The following ABCD2 variants were observed in gnomAD, a reference collection of about 807,000 sequenced individuals.
The protein encoded by ABCD2 is ATP binding cassette subfamily D member 2.
In ABCD2, 36 loss-of-function variants were observed where a neutral mutation model predicts 70.9. That is an observed-to-expected ratio of 0.51 (90% CI 0.39 to 0.67). The LOEUF is 0.67. ABCD2 is among the 30% of genes least tolerant of loss of function. The pLI, the probability that ABCD2 is intolerant of heterozygous loss-of-function variation, is 0.00. For synonymous variants in ABCD2, 304 were observed against 306.9 expected (o/e 0.99, Z 0.10); for missense variants, 729 against 890.2 (o/e 0.82, Z 2.30).
chr12:39,567,072 A>C (rs1032166377), intron 9 of ABCD2, among the ~76,000 whole-genome samples: 1 of 152,202 alleles, frequency 6.6e-6, no homozygotes, highest in Admixed American at 6.5e-5. Context: ...ATTTTGGAAT[A>C]GGTGTGGTGT....
intron 6 of ABCD2, among the ~76,000 whole-genome samples, chr12:39,595,292 G>A (rs1052080339): frequency 6.6e-6 from 1 of 152,122 alleles, no homozygotes; most frequent in Non-Finnish European, 1.5e-5. Context: ...GAGAGGCAGT[G>A]AGTACAGAAG....
At position 39,600,070 on chromosome 12, in the gene ABCD2, C is replaced by A. The variant is rs528420936; in HGVS notation, c.1646+501G>T. Among the ~76,000 whole-genome samples the A allele has an allele frequency of 1.6e-4, 24 of 152,280 alleles. No individual in the cohort carries two copies. The East Asian group carries it at 4.2e-3, about 27-fold the overall frequency. The stretch of plus-strand genomic sequence containing the variant: ...TCTTTTTCTATGTTTACATGATACT[C>A]ATTCTTACAGTAAAAAAATTTACTT... On this transcript the variant is annotated intron_variant, in intron 6 of 9. Transcript: ENST00000308666.
intron 6 of ABCD2, among the ~76,000 whole-genome samples, chr12:39,592,124 C>T (rs76805826): frequency 0.014 from 2,112 of 152,304 alleles, 65 homozygotes; most frequent in African/African-American, 0.047. Flanking sequence ...ACTTCTATTT[C>T]TGTCAACTGA....
At position 39,553,926 on chromosome 12, in the gene ABCD2, C is replaced by T. The variant is rs541565694; in HGVS notation, c.2209G>A (p.Asp737Asn). The stretch of plus-strand genomic sequence containing the variant: ...GTCAAAACAAATTAAGATGTCTCAT[C>T]TTCATTTTTAATTGTTTTCAGCACT... ...DSVLKTIKNE[D>N]ETS is the part of the protein sequence containing the mutation. Residue 737 changes from aspartate to asparagine, a missense_variant, in exon 10 of 10, where the codon GAT (aspartate) becomes AAT (asparagine). Asp to Asn is a conservative substitution (Grantham distance 23). Around this residue, in one of 3 missense-constraint regions of ABCD2, gnomAD observed 289 missense variants for 328.8 expected, o/e 0.88. Transcript: ENST00000308666. The T allele has an allele frequency of 3.3e-5, 53 of 1,608,462 alleles. No homozygotes were observed. The Middle Eastern group carries it at 5.0e-4, about 15-fold the overall frequency.
chr12:39,532,878 T>C, the ABCD2 span, among the ~76,000 whole-genome samples: 1 of 151,924 alleles, frequency 6.6e-6, no homozygotes, highest in Non-Finnish European at 1.5e-5. Flanking sequence ...ATAGAAAAAG[T>C]GCCAGATGCA....
chr12:39,549,514 A>G (rs1472605631), downstream of ABCD2, among the ~76,000 whole-genome samples: 2 of 151,878 alleles, frequency 1.3e-5, no homozygotes, highest in East Asian at 3.8e-4. Context: ...TGAATGAATA[A>G]TGACAACCAG....
chr12:39,555,347 G>A (rs1219282734), intron 9 of ABCD2, among the ~76,000 whole-genome samples: 1 of 152,152 alleles, frequency 6.6e-6, no homozygotes, highest in East Asian at 1.9e-4. Context: ...AACGCACAAA[G>A]GGTGGAGGAA....
At chr12:39,582,058 C>T (rs1028468652) in intron 7 of ABCD2, among the ~76,000 whole-genome samples, 2 of 152,154 alleles carry the variant, frequency 1.3e-5, no homozygotes, top group African/African-American at 4.8e-5. Flanking sequence ...CTTCAGTAGG[C>T]TTCTTTCAAA....
Position 39,586,158 on chromosome 12 carries a change from CT to C in ABCD2, c.1785del (p.Glu596LysfsTer66), listed in dbSNP as rs1432644235. ...HNVHLYHIVQ[R>X]EGGWDAVMDW... ...AAAGAATGATAGACTTTACCTCCTT[CT>C]CTTTGAACTATGTGATAGAGATGGA... On this transcript the variant is annotated frameshift_variant, in exon 7 of 10. Transcript: ENST00000308666. LOFTEE classifies it high-confidence loss of function. 2.5e-6 allele frequency: 4 copies of C among 1,608,458 alleles called. No homozygotes were observed. Among genetic ancestry groups the C allele is most frequent in the African/African-American group, 1.3e-5 (1 of 74,722 alleles).
intron 9 of ABCD2, among the ~76,000 whole-genome samples, chr12:39,564,038 T>C (rs529599879): frequency 1.3e-5 from 2 of 152,376 alleles, no homozygotes; most frequent in African/African-American, 4.8e-5. Flanking sequence ...TGTTGGACAT[T>C]TGGCTTGATT....
chr12:39,578,330 C>T (rs1375045882), intron 8 of ABCD2, among the ~76,000 whole-genome samples: 4 of 151,962 alleles, frequency 2.6e-5, no homozygotes, highest in African/African-American at 9.7e-5. Flanking sequence ...AAAAATTAGC[C>T]GGGCTTGGTG....
chr12:39,563,599 T>C (rs1162052822), intron 9 of ABCD2, among the ~76,000 whole-genome samples: 6 of 152,126 alleles, frequency 3.9e-5, no homozygotes, highest in Admixed American at 2.6e-4. Context: ...AAAAGATAAA[T>C]TGTTCCTGGC....
chr12:39,603,903 T>C lies in ABCD2; in HGVS notation c.1500+9A>G. The C allele has an allele frequency of 6.3e-7, 1 of 1,586,788 alleles. No individual in the cohort carries two copies. Among genetic ancestry groups the C allele is most frequent in the Non-Finnish European group, 8.7e-7 (1 of 1,156,016 alleles). ...GCAACAATCAGAAGATTCTTGAATA[T>C]CATCTTACTTTGAAGTTTAGCCTGG... On this transcript the variant is annotated intron_variant, in intron 5 of 9. Transcript: ENST00000308666.
chr12:39,609,836 C>T (rs576631503), intron 2 of ABCD2, among the ~76,000 whole-genome samples: 1 of 152,178 alleles, frequency 6.6e-6, no homozygotes, highest in Admixed American at 6.5e-5. Flanking sequence ...TAAAATTCAC[C>T]CAGCATGTAT....
At chr12:39,534,576 C>T in the ABCD2 span, among the ~76,000 whole-genome samples, 1 of 151,398 alleles carries the variant, frequency 6.6e-6, no homozygotes, top group African/African-American at 2.4e-5. Context: ...CTTTGGGAGG[C>T]CAAGGCAGAA....
chr12:39,596,211 G>GT (rs1203943595), intron 6 of ABCD2, among the ~76,000 whole-genome samples: 1 of 152,136 alleles, frequency 6.6e-6, no homozygotes, highest in Non-Finnish European at 1.5e-5. Context: ...CATGGCAACT[G>GT]TTCAAATCCT....
At chr12:39,554,558 C>G (rs897023551) in intron 9 of ABCD2, among the ~76,000 whole-genome samples, 1 of 152,016 alleles carries the variant, frequency 6.6e-6, no homozygotes, top group South Asian at 2.1e-4. Context: ...AATACACCAT[C>G]CTTTGGGAAT....
intron 5 of ABCD2, among the ~76,000 whole-genome samples, chr12:39,603,297 T>C (rs1405633802): frequency 6.6e-6 from 1 of 152,106 alleles, no homozygotes; most frequent in Admixed American, 6.5e-5. Context: ...TGTACTTGAA[T>C]CCCAAAACAT....
the ABCD2 span, among the ~76,000 whole-genome samples, chr12:39,534,626 A>T: frequency 6.6e-6 from 1 of 151,298 alleles, no homozygotes; most frequent in South Asian, 2.1e-4. Flanking sequence ...AATGTGGGCA[A>T]CACAGGGAGA....
Sources: gnomAD v4.1 joint callset for allele counts (sites outside exome capture counted in the v4.1 genomes callset) on GRCh38, gnomAD v4.1.1 for gene constraint, gnomAD v4.1.1 regional missense constraint, MANE v1.5 for transcripts, NCBI Gene and HGNC (gene_info 2026-07-23, HGNC 2026-07-21) for gene names.